Variants in ANO9 observed in about 807,000 individuals in gnomAD.
ANO9 encodes anoctamin 9.
A neutral mutation model predicts 100.5 loss-of-function variants in ANO9; 80 were observed. The observed-to-expected ratio is 0.80, with a 90% CI of 0.66 to 0.96. The LOEUF (loss-of-function observed/expected upper bound fraction) is 0.96, where lower values mean the gene tolerates loss of function less well. Ranked by LOEUF, ANO9 falls within the 40% of genes least tolerant of loss-of-function variation. The pLI, the probability that ANO9 is intolerant of heterozygous loss-of-function variation, is 0.00. For synonymous variants in ANO9, 473 were observed against 435.6 expected (o/e 1.09, Z -1.07); for missense variants, 1,064 against 1,072.7 (o/e 0.99, Z 0.11).
At position 419,009 on chromosome 11, in the gene ANO9, G is replaced by A. The variant is rs1417311217; in HGVS notation, c.1935-20C>T. 1 of 1,612,388 alleles carries A rather than the reference G, an allele frequency of 6.2e-7. No homozygotes were observed. Among genetic ancestry groups the A allele is most frequent in the Non-Finnish European group, 8.5e-7 (1 of 1,179,704 alleles). On this transcript the variant is annotated intron_variant, in intron 20 of 22. Coordinates refer to ENST00000332826, the MANE Select transcript of ANO9 (RefSeq NM_001012302.3). ...AGGCAGCTGGGGAGAGGGGAGAGGAGTGTGGGGTGGGGTGGGCTTCCAGGG... is the reference window on the plus strand; with the variant it reads ...AGGCAGCTGGGGAGAGGGGAGAGGAATGTGGGGTGGGGTGGGCTTCCAGGG...
At position 428,123 on chromosome 11, in the gene ANO9, G is replaced by T; in HGVS notation, c.1299C>A (p.Phe433Leu). The stretch of plus-strand genomic sequence containing the variant: ...TGAAGGCGATGTAGATGAGAGACGA[G>T]AAATGGGTGAAGAACTGCAGTGTGA... ...RFFTLQFFTHFSSLIYIAFIL... is the reference protein window; with the variant it reads ...RFFTLQFFTHLSSLIYIAFIL... Residue 433 changes from phenylalanine to leucine, a missense_variant, in exon 15 of 23, where the codon TTC becomes TTA. Phe to Leu is a conservative substitution (Grantham distance 22). Coordinates refer to ENST00000332826, the MANE Select transcript of ANO9 (RefSeq NM_001012302.3). The T allele has an allele frequency of 6.2e-7, 1 of 1,610,844 alleles. No individual in the cohort carries two copies. Among genetic ancestry groups the T allele is most frequent in the Non-Finnish European group, 8.5e-7 (1 of 1,179,568 alleles).
At chr11:440,090 A>C (rs992613561) in intron 1 of ANO9, among the ~76,000 whole-genome samples, 1 of 152,184 alleles carries the variant, frequency 6.6e-6, no homozygotes, top group Non-Finnish European at 1.5e-5. Flanking sequence ...CCTGAGAATC[A>C]GGGTGCAGTT....
intron 7 of ANO9, 37 bp downstream of exon 7, chr11:431,657 T>C (rs374084296): frequency 1.2e-6 from 2 of 1,608,256 alleles, no homozygotes; most frequent in Non-Finnish European, 8.5e-7. Context: ...GGCGGGGCCG[T>C]CCGCGGGGTT....
intron 15 of ANO9, among the ~76,000 whole-genome samples, chr11:423,112 G>A (rs1848292457): frequency 6.6e-6 from 1 of 152,180 alleles, no homozygotes; most frequent in Non-Finnish European, 1.5e-5. Flanking sequence ...ACAGGCGTGA[G>A]CCACCACACC....
chr11:419,678 T>C lies in ANO9; in HGVS notation c.1838A>G (p.Asn613Ser). 1 of 1,611,268 alleles carries C rather than the reference T, an allele frequency of 6.2e-7. No individual in the cohort carries two copies. The highest frequency in any genetic ancestry group is 8.5e-7 in the Non-Finnish European group (1 of 1,179,550). Residue 613 changes from asparagine to serine, a missense_variant, in exon 20 of 23, where the codon AAT becomes AGT. Transcript: ENST00000332826. Reference sequence around the variant, plus strand: ...AGATGTGAAGGCAATGACCATCCCATTGGCAATGACCGCCAGCACACCGAT... The same window carrying C: ...AGATGTGAAGGCAATGACCATCCCACTGGCAATGACCGCCAGCACACCGAT... The part of the protein sequence containing the change: ...ETIGVLAVIA[N>S]GMVIAFTSEF...
intron 1 of ANO9, 25 bp from the exon 2 acceptor site, chr11:434,123 G>A: frequency 1.3e-6 from 2 of 1,548,504 alleles, no homozygotes; most frequent in Middle Eastern, 1.7e-4. Flanking sequence ...GCAGAGAAAG[G>A]GATAGGAGGA....
At position 418,560 on chromosome 11, in the gene ANO9, G is replaced by C; in HGVS notation, c.2160C>G (p.Ala720=). 7.4e-6 allele frequency: 12 copies of C among 1,613,002 alleles called. No individual in the cohort carries two copies. Among genetic ancestry groups the C allele is most frequent in the Non-Finnish European group, 1.0e-5 (12 of 1,179,998 alleles). Residue 720 remains alanine, a synonymous_variant, in exon 23 of 23, where the codon GCC becomes GCG. Coordinates refer to ENST00000332826, the MANE Select transcript of ANO9 (RefSeq NM_001012302.3). ...EHVALCIKLI[A]AWFVPDIPQS... ...GAGGGATGTCGGGCACGAACCAGGC[G>C]GCGATGAGCTTGATGCACAAGGCCA... is the stretch of plus-strand genomic sequence containing the variant.
chr11:436,192 C>T (rs372462508), intron 1 of ANO9, among the ~76,000 whole-genome samples: 123 of 151,780 alleles, frequency 8.1e-4, no homozygotes, highest in African/African-American at 2.8e-3. Context: ...CTCAGCCTCC[C>T]GCGTAGCTGG....
intron 15 of ANO9, among the ~76,000 whole-genome samples, chr11:427,511 C>T (rs1170827144): frequency 1.3e-5 from 2 of 151,848 alleles, no homozygotes; most frequent in Admixed American, 6.6e-5. Flanking sequence ...GCAGGAGGAT[C>T]GCTCGAGCCC....
intron 1 of ANO9, among the ~76,000 whole-genome samples, 156 bp downstream of exon 1, chr11:441,765 C>T (rs1052172508): frequency 2.6e-5 from 4 of 152,072 alleles, no homozygotes; most frequent in Admixed American, 1.3e-4. Context: ...CTGAGCCGGG[C>T]GGTCACCCTC....
At position 418,414 on chromosome 11, in the gene ANO9, G is replaced by C. The variant is rs367848202; in HGVS notation, c.2306C>G (p.Pro769Arg). 974 of 1,612,424 alleles carry C rather than the reference G, an allele frequency of 6.0e-4. 14 individuals are homozygous for C. In the South Asian group the frequency reaches 0.01, roughly 17 times the overall value. The change falls in exon 23 of 23, where the codon CCC becomes CGC. Residue 769 changes from proline to arginine, a missense_variant. Coordinates refer to ENST00000332826, the MANE Select transcript of ANO9 (RefSeq NM_001012302.3). ...AGSRPPMPAH[P>R]TPASIFSARS... is the part of the protein sequence containing the mutation. ...GGCACTGAAGATGGATGCTGGGGTG[G>C]GATGGGCAGGCATTGGGGGCCGAGA...
intron 1 of ANO9, among the ~76,000 whole-genome samples, chr11:436,960 A>G (rs866598976): frequency 1.8e-4 from 1 of 5,500 alleles, no homozygotes; most frequent in Non-Finnish European, 2.8e-4. Flanking sequence ...GGGGGTGAGC[A>G]GGGGGTGAGC....
rs1166145966 is a variant in ANO9 at position 432,853 on chromosome 11, A to G, written c.350+461T>C. The G allele has an allele frequency of 6.3e-6, 1 of 159,766 alleles. No homozygotes were observed. The highest frequency in any genetic ancestry group is 1.4e-5 in the Non-Finnish European group (1 of 73,560). The allele number at this position is 159,766 out of a possible 1,614,324, so 9.9% of individuals were successfully genotyped here. A position where few individuals can be genotyped will look rare whatever the true frequency, so the allele number is the denominator to read the frequency against. On this transcript the variant is annotated intron_variant, in intron 4 of 22. Transcript: ENST00000332826. The surrounding 1 kb of genome is among the most constrained non-coding windows in gnomAD (Gnocchi z 4.8). ...TGGAGGCTCCCTCCTGGGCTGGAGGACTGGGGAGAAGCAGGGCCTTAGGGA... is the reference window on the plus strand; with the variant it reads ...TGGAGGCTCCCTCCTGGGCTGGAGGGCTGGGGAGAAGCAGGGCCTTAGGGA...
rs1332209444 is a variant in ANO9, at chr11:431,590, TGGGGGCTTCC to T, written c.539+94_539+103del. The T allele has an allele frequency of 1.1e-4, 78 of 681,308 alleles. 26 individuals are homozygous for T. The highest frequency in any genetic ancestry group is 4.3e-4 in the South Asian group (22 of 50,896). The allele number at this position is 681,308 out of a possible 1,614,324, so 42.2% of individuals were successfully genotyped here. ...GGGTGTGGGGGCTCCCGCGGGTATC[TGGGGGCTTCC>T]GCGGGGGTGTGGGGGCGTCCGCGGG... On this transcript the variant is annotated intron_variant, in intron 7 of 22. Coordinates refer to ENST00000332826, the MANE Select transcript of ANO9 (RefSeq NM_001012302.3).
intron 9 of ANO9, 41 bp from the exon 10 acceptor site, chr11:429,859 C>T: frequency 2.3e-6 from 3 of 1,280,922 alleles, no homozygotes; most frequent in Non-Finnish European, 3.1e-6. Context: ...GGTGGGTGAG[C>T]TGGGGAGGGG....
At chr11:441,179 G>C (rs1365816267) in intron 1 of ANO9, among the ~76,000 whole-genome samples, 1 of 152,178 alleles carries the variant, frequency 6.6e-6, no homozygotes, top group Non-Finnish European at 1.5e-5. Context: ...GGCAGGCCGA[G>C]AGGGAGGCTG....
At position 428,323 on chromosome 11, in the gene ANO9, G is replaced by A. The variant is rs779973020; in HGVS notation, c.1222+35C>T. ...GGCCCCAGCCCTGAGTCCTCCCGCC[G>A]GGTCCCCCAAGAGGGTCTGGGGTAG... On this transcript the variant is annotated intron_variant, in intron 14 of 22. Coordinates refer to ENST00000332826, the MANE Select transcript of ANO9 (RefSeq NM_001012302.3). 5.7e-5 allele frequency: 92 copies of A among 1,611,548 alleles called. No individual in the cohort carries two copies. The East Asian group carries it at 6.0e-4, about 11-fold the overall frequency.
chr11:433,873 C>CG lies in ANO9; in HGVS notation c.145dup (p.Arg49ProfsTer20). 6.4e-7 allele frequency: 1 copy of CG among 1,563,932 alleles called. No individual in the cohort carries two copies. Among genetic ancestry groups the CG allele is most frequent in the Non-Finnish European group, 8.7e-7 (1 of 1,154,358 alleles). ...CAGGAACTGTTGCTGCCGCGCCTGC[C>CG]GGGGGTCTCTCTGGGTGTGACGTTG... On this transcript the variant is annotated frameshift_variant, in exon 3 of 23. Transcript: ENST00000332826. LOFTEE classifies it high-confidence loss of function.
intron 15 of ANO9, among the ~76,000 whole-genome samples, chr11:424,291 A>G (rs6598023): frequency 0.85 from 129,099 of 152,284 alleles, 55,268 homozygotes; most frequent in East Asian, 1. Flanking sequence ...GTGTAACATG[A>G]GAAACCAGGT....
Sources: allele counts gnomAD v4.1 joint callset (sites outside exome capture counted in the v4.1 genomes callset), GRCh38; gene constraint gnomAD v4.1.1; non-coding constraint Gnocchi (gnomAD v3.1); transcripts MANE v1.5; gene names NCBI Gene and HGNC (gene_info 2026-07-23, HGNC 2026-07-21).